The following GCSAML variants were observed in gnomAD, a reference collection of about 807,000 sequenced individuals.
GCSAML encodes germinal center associated signaling and motility like.
A neutral mutation model predicts 13.0 loss-of-function variants in GCSAML; 9 were observed. The observed-to-expected ratio is 0.69, with a 90% CI of 0.42 to 1.21. The LOEUF (loss-of-function observed/expected upper bound fraction) is 1.21, where lower values mean the gene tolerates loss of function less well. Ranked by LOEUF, GCSAML falls within the 50% of genes most tolerant of loss-of-function variation. The pLI is 0.00. For synonymous variants in GCSAML, 37 were observed against 52.9 expected (o/e 0.70, Z 1.31); for missense variants, 143 against 153.4 (o/e 0.93, Z 0.36).
At chr1:247,566,247 T>C (rs554704096) in intron 4 of GCSAML, among the ~76,000 whole-genome samples, 1 of 152,324 alleles carries the variant, frequency 6.6e-6, no homozygotes, top group East Asian at 1.9e-4. Context: ...ATTTTATTTA[T>C]TTATTTATTT....
At chr1:247,521,305 T>C (rs10925070) in intron 1 of GCSAML, among the ~76,000 whole-genome samples, 83,749 of 148,576 alleles carry the variant, frequency 0.56, 24,905 homozygotes, top group East Asian at 0.77. Flanking sequence ...AAAAACATAA[T>C]GTCTCCCTCT....
intron 1 of GCSAML, among the ~76,000 whole-genome samples, chr1:247,511,864 GC>G (rs1316545353): frequency 2.6e-5 from 4 of 152,188 alleles, no homozygotes; most frequent in African/African-American, 9.7e-5. Context: ...TAGGGTTTCT[GC>G]AGAGAGGTCC....
chr1:247,516,487 G>A (rs1251044342), intron 1 of GCSAML, among the ~76,000 whole-genome samples: 1 of 151,126 alleles, frequency 6.6e-6, no homozygotes, highest in Non-Finnish European at 1.5e-5. Flanking sequence ...GATACAACAT[G>A]CTCATAATAG....
At position 247,562,558 on chromosome 1, in the gene GCSAML, T is replaced by C. The variant is rs1668170821; in HGVS notation, c.90-1032T>C. Among the ~76,000 whole-genome samples, 3 of 152,338 alleles carry C rather than the reference T, an allele frequency of 2.0e-5. No homozygotes were observed. The South Asian group carries it at 6.2e-4, about 32-fold the overall frequency. On this transcript the variant is annotated intron_variant, in intron 2 of 4. Transcript: ENST00000366488. The stretch of plus-strand genomic sequence containing the variant: ...CAGGCAGTGATTGTGGCATGTCGTT[T>C]TAGAATGCTTCCTCACAAAATGTTT...
At chr1:247,513,167 C>T (rs979807687) in intron 1 of GCSAML, among the ~76,000 whole-genome samples, 13 of 152,232 alleles carry the variant, frequency 8.5e-5, no homozygotes, top group African/African-American at 3.1e-4. Context: ...TCTATAAGCT[C>T]CTGACTGGGG....
intron 2 of GCSAML, chr1:247,531,187 G>A (rs1429731926): frequency 8.5e-6 from 2 of 235,952 alleles, no homozygotes; most frequent in African/African-American, 4.6e-5. Flanking sequence ...GCCGGCTCCG[G>A]TCTCCCCGCG....
At chr1:247,559,220 T>A (rs1413378376) in intron 2 of GCSAML, among the ~76,000 whole-genome samples, 1 of 152,240 alleles carries the variant, frequency 6.6e-6, no homozygotes, top group South Asian at 2.1e-4. Flanking sequence ...TTGAAATTTG[T>A]CTGCTAGAGA....
At chr1:247,553,147 T>A (rs1667836820) in intron 1 of GCSAML, among the ~76,000 whole-genome samples, 1 of 152,202 alleles carries the variant, frequency 6.6e-6, no homozygotes, top group Non-Finnish European at 1.5e-5. Context: ...GAGCTTTAAT[T>A]TTTTGTTTTT....
chr1:247,540,220 A>T (rs1247492787), intron 2 of GCSAML, among the ~76,000 whole-genome samples: 2 of 152,132 alleles, frequency 1.3e-5, no homozygotes, highest in African/African-American at 2.4e-5. Context: ...TTTAGTAGAG[A>T]TGGGGTTTCA....
At chr1:247,542,479 T>C (rs1667445779) in intron 2 of GCSAML, among the ~76,000 whole-genome samples, 1 of 152,220 alleles carries the variant, frequency 6.6e-6, no homozygotes, top group South Asian at 2.1e-4. Flanking sequence ...TATATTTTGT[T>C]CTAGACTTTG....
upstream of GCSAML, among the ~76,000 whole-genome samples, chr1:247,547,023 G>A (rs966224924): frequency 2.0e-5 from 3 of 151,748 alleles, no homozygotes; most frequent in South Asian, 6.3e-4. Context: ...GATCGCTTGA[G>A]TCTGGGAGGT....
At chr1:247,560,665 GT>G (rs1668097070) in intron 2 of GCSAML, among the ~76,000 whole-genome samples, 1 of 152,076 alleles carries the variant, frequency 6.6e-6, no homozygotes, top group Admixed American at 6.6e-5. Context: ...ACAATATGAT[GT>G]TTTGATATGT....
At position 247,521,607 on chromosome 1, in the gene GCSAML, C is replaced by T. The variant is rs374497844; in HGVS notation, c.-262-5333C>T. ...GTGTTGGCTGGGCTGGACTCCAGCTCCTAACCGCGAGTGATCTGCCAGCCT... is the reference window on the plus strand; with the variant it reads ...GTGTTGGCTGGGCTGGACTCCAGCTTCTAACCGCGAGTGATCTGCCAGCCT... On this transcript the variant is annotated intron_variant, in intron 1 of 5. Coordinates refer to the GCSAML transcript ENST00000366489. Among the ~76,000 whole-genome samples, 545 of 152,318 alleles carry T rather than the reference C, an allele frequency of 3.6e-3. 3 individuals are homozygous for T. In the Middle Eastern group the frequency reaches 0.037, roughly 10 times the overall value.
In GCSAML at chr1:247,574,764, A is replaced by G. The variant is rs576076774; in HGVS notation, c.*382A>G. The G allele has an allele frequency of 3.5e-4, 76 of 216,398 alleles. 1 individual carries two copies. Among genetic ancestry groups the G allele is most frequent in the African/African-American group, 1.7e-3 (74 of 43,216 alleles). 13.4% of individuals were successfully genotyped at this position (216,398 alleles called of 1,614,324 possible). ...GAACCTGAAAGACTGAATTCTGGCC[A>G]TGATAGGAAGGGAGGTGAGACACAC... On this transcript the variant is annotated 3_prime_UTR_variant, in exon 5 of 5. Coordinates refer to ENST00000366488, the MANE Select transcript of GCSAML (RefSeq NM_145278.5).
chr1:247,542,290 A>T (rs935450931), intron 2 of GCSAML, among the ~76,000 whole-genome samples: 10 of 152,170 alleles, frequency 6.6e-5, no homozygotes, highest in Non-Finnish European at 1.5e-4. Flanking sequence ...TTGTCTTTTA[A>T]AAAAAGGAAG....
At chr1:247,513,799 G>A (rs1666123735) in intron 1 of GCSAML, among the ~76,000 whole-genome samples, 3 of 152,272 alleles carry the variant, frequency 2.0e-5, no homozygotes, top group Admixed American at 6.5e-5. Context: ...CCTGGGTGAG[G>A]CAATGCTCCA....
intron 2 of GCSAML, among the ~76,000 whole-genome samples, chr1:247,562,332 C>T (rs186574002): frequency 1.1e-4 from 16 of 152,182 alleles, no homozygotes; most frequent in Admixed American, 6.5e-4. Context: ...CCTCAGCGCG[C>T]CCGTGCCTGA....
intron 1 of GCSAML, among the ~76,000 whole-genome samples, chr1:247,510,182 C>T (rs1160647186): frequency 1.3e-5 from 2 of 152,106 alleles, no homozygotes; most frequent in African/African-American, 2.4e-5. Flanking sequence ...ATTTGAGAAC[C>T]TGTTATTAGT....
At chr1:247,557,059 TA>T (rs920516433) in intron 2 of GCSAML, among the ~76,000 whole-genome samples, 16 of 151,876 alleles carry the variant, frequency 1.1e-4, no homozygotes, top group African/African-American at 4.8e-5. Context: ...ACTGCACAAT[TA>T]AAAAAAAATT....
Sources: gnomAD v4.1 joint callset for allele counts (sites outside exome capture counted in the v4.1 genomes callset) on GRCh38, gnomAD v4.1.1 for gene constraint, MANE v1.5 for transcripts, NCBI Gene and HGNC (gene_info 2026-07-23, HGNC 2026-07-21) for gene names.